The following BAZ2B variants were observed in gnomAD, a reference collection of about 807,000 sequenced individuals.
BAZ2B encodes bromodomain adjacent to zinc finger domain 2B, also known as bromodomain adjacent to zinc finger domain protein 2B.
Under a neutral mutation model 246.0 loss-of-function variants are expected in BAZ2B, and 91 were observed. The observed-to-expected ratio is 0.37, with a 90% confidence interval of 0.31 to 0.44. The LOEUF (loss-of-function observed/expected upper bound fraction) is 0.44, where lower values mean the gene tolerates loss of function less well. Among genes scored for constraint, BAZ2B ranks in the 20% least tolerant of loss-of-function variants. The probability of loss-of-function intolerance (pLI) is 1.00; values close to 1 mark genes in which losing one functional copy is unlikely to be tolerated. For synonymous variants in BAZ2B, 855 were observed against 860.0 expected (o/e 0.99, Z 0.10); for missense variants, 2,332 against 2,533.7 (o/e 0.92, Z 1.71).
intron 3 of BAZ2B, chr2:159,459,636 T>C (rs12473369): frequency 6.6e-6 from 1 of 151,942 alleles, no homozygotes; most frequent in Non-Finnish European, 1.5e-5. Flanking sequence ...GCTCAGTCAA[T>C]CCTATAATTA....
At chr2:159,471,600 T>A (rs62173233) in intron 3 of BAZ2B, among the ~76,000 whole-genome samples, 19,208 of 152,030 alleles carry the variant, frequency 0.13, 1,459 homozygotes, top group African/African-American at 0.22. Flanking sequence ...TGGCTCCCCC[T>A]AAAAAGAAGG....
At chr2:159,577,801 TAAAG>T (rs1685711944) in intron 1 of BAZ2B, among the ~76,000 whole-genome samples, 1 of 152,140 alleles carries the variant, frequency 6.6e-6, no homozygotes, top group African/African-American at 2.4e-5. Context: ...GGAGAAAGGC[TAAAG>T]AAATAGCTAA....
chr2:159,599,704 A>T (rs1196502817), intron 1 of BAZ2B, among the ~76,000 whole-genome samples: 1 of 152,116 alleles, frequency 6.6e-6, no homozygotes, highest in East Asian at 1.9e-4. Flanking sequence ...TGTGAGGCTG[A>T]GGCAGGCGGA....
At chr2:159,481,441 AT>A (rs2079218480) in intron 2 of BAZ2B, among the ~76,000 whole-genome samples, 2 of 150,938 alleles carry the variant, frequency 1.3e-5, no homozygotes, top group Non-Finnish European at 3.0e-5. Flanking sequence ...TATATAAATA[AT>A]AAAAACAAAA....
chr2:159,500,476 T>C (rs2081589646), intron 2 of BAZ2B, among the ~76,000 whole-genome samples: 1 of 152,194 alleles, frequency 6.6e-6, no homozygotes, highest in Non-Finnish European at 1.5e-5. Flanking sequence ...TTTGAAGTGA[T>C]GCCTCCAGCT....
chr2:159,315,638 CTT>C (rs527323492), downstream of BAZ2B, among the ~76,000 whole-genome samples: 22 of 152,272 alleles, frequency 1.4e-4, 1 homozygote, highest in South Asian at 4.4e-3. Context: ...TATTTTATGA[CTT>C]AGTCTGGGAA....
chr2:159,353,420 C>G (rs562803016), intron 27 of BAZ2B, among the ~76,000 whole-genome samples: 1 of 152,312 alleles, frequency 6.6e-6, no homozygotes, highest in East Asian at 1.9e-4. Context: ...TGCCTTGGGA[C>G]AGCTTCTAGG....
intron 1 of BAZ2B, among the ~76,000 whole-genome samples, chr2:159,560,170 T>C (rs926906467): frequency 2.0e-5 from 3 of 152,218 alleles, no homozygotes; most frequent in African/African-American, 7.2e-5. Context: ...AAACTAAAGA[T>C]ATTTATCCAT....
upstream of BAZ2B, among the ~76,000 whole-genome samples, chr2:159,618,703 C>A (rs1488904956): frequency 6.6e-6 from 1 of 152,168 alleles, no homozygotes; most frequent in Non-Finnish European, 1.5e-5. Context: ...CTATTACTGA[C>A]ACTTTACCTA....
intron 3 of BAZ2B, chr2:159,458,979 G>C (rs1033116586): frequency 9.2e-5 from 14 of 152,228 alleles, no homozygotes; most frequent in Admixed American, 5.2e-4. Context: ...GTTTCTCACT[G>C]CTGTATTTTT....
At chr2:159,395,021 A>G (rs1009552143) in intron 20 of BAZ2B, among the ~76,000 whole-genome samples, 2 of 152,138 alleles carry the variant, frequency 1.3e-5, no homozygotes, top group Non-Finnish European at 2.9e-5. Context: ...AAACAGTGTC[A>G]TTTTCATTAA....
chr2:159,689,991 A>G, the BAZ2B span: 1 of 400,270 alleles, frequency 2.5e-6, no homozygotes. Context: ...TTGACCATAG[A>G]ACACATTTTG....
At chr2:159,343,913 C>A (rs939494629) in intron 31 of BAZ2B, among the ~76,000 whole-genome samples, 33 of 151,172 alleles carry the variant, frequency 2.2e-4, no homozygotes, top group Admixed American at 6.6e-5. Context: ...GTAGTCTCAG[C>A]TACTCGGGAG....
chr2:159,624,576 A>G, the BAZ2B span, among the ~76,000 whole-genome samples: 1 of 152,204 alleles, frequency 6.6e-6, no homozygotes, highest in Non-Finnish European at 1.5e-5. Context: ...CCTCCAGCAG[A>G]CCTGCAGCAG....
chr2:159,402,616 T>C (rs10173424), intron 16 of BAZ2B, among the ~76,000 whole-genome samples: 1,645 of 152,328 alleles, frequency 0.011, 29 homozygotes, highest in African/African-American at 0.038. Context: ...ATCTGACTTT[T>C]CTGCTCTTGT....
chr2:159,488,926 C>A (rs2080142947), intron 2 of BAZ2B, among the ~76,000 whole-genome samples: 2 of 152,060 alleles, frequency 1.3e-5, no homozygotes, highest in Non-Finnish European at 2.9e-5. Flanking sequence ...CCTAAAGAGT[C>A]ACAAAATTTC....
At chr2:159,436,357 T>C (rs914571260) in intron 8 of BAZ2B, among the ~76,000 whole-genome samples, 2 of 152,214 alleles carry the variant, frequency 1.3e-5, no homozygotes, top group African/African-American at 2.4e-5. Context: ...TCTTTTATAG[T>C]ACACATATTA....
the BAZ2B span, among the ~76,000 whole-genome samples, chr2:159,653,494 T>C: frequency 6.6e-6 from 1 of 152,092 alleles, no homozygotes; most frequent in Non-Finnish European, 1.5e-5. Context: ...AAGAATCGTA[T>C]AGTATAGGTT....
At chr2:159,694,618 G>C in the BAZ2B span, 13 of 152,218 alleles carry the variant, frequency 8.5e-5, no homozygotes, top group East Asian at 2.5e-3. Flanking sequence ...CATCTCTAAT[G>C]ATAATGTTTT....
Sources: gnomAD v4.1 joint callset for allele counts (sites outside exome capture counted in the v4.1 genomes callset) on GRCh38, gnomAD v4.1.1 for gene constraint, MANE v1.5 for transcripts, NCBI Gene and HGNC (gene_info 2026-07-23, HGNC 2026-07-21) for gene names.